The following SH2D4B variants were observed in gnomAD, a reference collection of about 807,000 sequenced individuals.
The protein encoded by SH2D4B is SH2 domain-containing protein 4B.
SH2D4B carries 45 observed loss-of-function variants against 61.5 expected under a neutral mutation model. The observed-to-expected ratio is 0.73, with a 90% CI of 0.58 to 0.94. SH2D4B has a LOEUF of 0.94. Among genes scored for constraint, SH2D4B ranks in the 40% least tolerant of loss-of-function variants. SH2D4B has a pLI of 0.00. For missense variants in SH2D4B, 572 were observed against 574.2 expected, an observed-to-expected ratio of 1.00 and a Z score of 0.04; for synonymous variants, 224 against 220.4, an observed-to-expected ratio of 1.02 and a Z score of -0.14.
At chr10:80,643,574 G>A (rs1420649840) in intron 7 of SH2D4B, among the ~76,000 whole-genome samples, 2 of 151,956 alleles carry the variant, frequency 1.3e-5, no homozygotes, top group Admixed American at 6.6e-5. Context: ...TCTTTTGGGC[G>A]TGGGACTGTC....
intron 6 of SH2D4B, among the ~76,000 whole-genome samples, chr10:80,632,739 C>T (rs1345745685): frequency 2.6e-5 from 4 of 152,074 alleles, no homozygotes; most frequent in Non-Finnish European, 5.9e-5. Context: ...CCTTCCGGTC[C>T]TCTTTTGTCT....
chr10:80,585,666 G>T (rs1035700603), intron 3 of SH2D4B, among the ~76,000 whole-genome samples: 2 of 152,180 alleles, frequency 1.3e-5, no homozygotes, highest in Non-Finnish European at 2.9e-5. Context: ...TTTACACTTT[G>T]TTCCACGTAT....
intron 4 of SH2D4B, among the ~76,000 whole-genome samples, chr10:80,601,842 G>A (rs775448088): frequency 2.0e-5 from 3 of 152,202 alleles, no homozygotes; most frequent in African/African-American, 7.2e-5. Context: ...GTCTTGAGTG[G>A]CACTGGAGTA....
In SH2D4B at chr10:80,631,426, T is replaced by C. The variant is rs542792020; in HGVS notation, c.989-2859T>C. Among the ~76,000 whole-genome samples the C allele has an allele frequency of 3.9e-4, 59 of 152,254 alleles. No individual in the cohort carries two copies. The South Asian group carries it at 0.012, about 31-fold the overall frequency. ...ACCATGCCCAACTAATTTTTTATGT[T>C]TTTGTAGATTCAGGGCCTTGCTATG... On this transcript the variant is annotated intron_variant, in intron 6 of 7. Transcript: ENST00000646907.
In SH2D4B at chr10:80,603,602, G is replaced by A. The variant is rs1842478669; in HGVS notation, c.667G>A (p.Glu223Lys). ...AGTGCGCCGGTCCAAGGCGGCTGAT[G>A]AGGAGAGGAGCCGCCGAGCCCAGCG... The part of the protein sequence containing the change: ...EQLRRSKAAD[E>K]ERSRRAQRAR... The change falls in exon 5 of 8, where the codon GAG (glutamate) becomes AAG (lysine). Residue 223 changes from glutamate to lysine, a missense_variant. Physicochemically the swap from Glu to Lys is moderately conservative, Grantham distance 56 (BLOSUM62 1). Coordinates refer to ENST00000646907, the MANE Select transcript of SH2D4B (RefSeq NM_001388272.1). The A allele has an allele frequency of 3.2e-6, 5 of 1,568,558 alleles. No individual in the cohort carries two copies. The highest frequency in any genetic ancestry group is 2.3e-5 in the East Asian group (1 of 42,690).
chr10:80,609,532 C>A lies in SH2D4B; in HGVS notation c.969C>A (p.Phe323Leu). Residue 323 changes from phenylalanine to leucine, a missense_variant, in exon 6 of 8, where the codon TTC (phenylalanine) becomes TTA (leucine). Coordinates refer to ENST00000646907, the MANE Select transcript of SH2D4B (RefSeq NM_001388272.1). ...RRAGFERNTK[F>L]IAPWFHGIIS... Reference sequence around the variant, plus strand: ...CTGGCTTCGAGAGGAACACCAAGTTCATCGCCCCCTGGTTCCATGGTAGCA... The same window carrying A: ...CTGGCTTCGAGAGGAACACCAAGTTAATCGCCCCCTGGTTCCATGGTAGCA... 1 of 1,614,256 alleles carries A rather than the reference C, an allele frequency of 6.2e-7. No homozygotes were observed. Among genetic ancestry groups the A allele is most frequent in the Non-Finnish European group, 8.5e-7 (1 of 1,180,048 alleles).
intron 6 of SH2D4B, among the ~76,000 whole-genome samples, chr10:80,624,599 A>G (rs1842751154): frequency 6.6e-6 from 1 of 152,258 alleles, no homozygotes; most frequent in African/African-American, 2.4e-5. Context: ...ACCTGGCTAC[A>G]TGTTAGAATC....
rs187573190 is a variant in SH2D4B, at chr10:80,570,156, G to C, written c.187G>C (p.Ala63Pro). The C allele has an allele frequency of 1.5e-5, 24 of 1,613,986 alleles. No individual in the cohort carries two copies. Among genetic ancestry groups the C allele is most frequent in the Non-Finnish European group, 2.0e-5 (24 of 1,179,996 alleles). ...TTCTTCCTTCTTCTATTGTGAAGCA[G>C]CGAGTGACAAGCACATCCAATGGCT... ...GLRPPKTKRAASDKHIQWLLG... is the reference protein window; with the variant it reads ...GLRPPKTKRAPSDKHIQWLLG... Residue 63 changes from alanine to proline, a missense_variant and splice_region_variant, in exon 2 of 8, where the codon GCG becomes CCG. Transcript: ENST00000646907.
intron 1 of SH2D4B, among the ~76,000 whole-genome samples, chr10:80,552,950 T>G (rs1841782296): frequency 6.6e-6 from 1 of 152,052 alleles, no homozygotes; most frequent in Non-Finnish European, 1.5e-5. Flanking sequence ...AGTTTTGCTC[T>G]TGCTGCCCAG....
rs772901995 is a variant in SH2D4B, at chr10:80,570,227, C to T, written c.258C>T (p.Gly86=). 25 of 1,614,126 alleles carry T rather than the reference C, an allele frequency of 1.5e-5. No individual in the cohort carries two copies. Among genetic ancestry groups the T allele is most frequent in the Non-Finnish European group, 1.9e-5 (22 of 1,180,010 alleles). ...TCTGGGTCTGGATCATGGGAGAAGG[C>T]CCTGGTGACAAGCCCTACGAAGAGA... ...GEVWVWIMGE[G]PGDKPYEEIS... is the part of the protein sequence containing the mutation. Residue 86 remains glycine (G), a synonymous_variant, in exon 2 of 8, where the codon GGC becomes GGT. Transcript: ENST00000646907.
chr10:80,565,490 G>A (rs1299627614), intron 1 of SH2D4B, among the ~76,000 whole-genome samples: 2 of 151,774 alleles, frequency 1.3e-5, no homozygotes, highest in Non-Finnish European at 1.5e-5. Context: ...CCAGCTCCTG[G>A]GCTCAAGGGA....
intron 6 of SH2D4B, among the ~76,000 whole-genome samples, chr10:80,625,078 C>T (rs972023061): frequency 6.6e-6 from 1 of 152,124 alleles, no homozygotes; most frequent in Non-Finnish European, 1.5e-5. Flanking sequence ...ATATATTAAT[C>T]TCCAAATGTT....
Position 80,588,713 on chromosome 10 carries a change from C to T in SH2D4B, c.579C>T (p.Thr193=), listed in dbSNP as rs779181625. 1 of 1,614,050 alleles carries T rather than the reference C, an allele frequency of 6.2e-7. No individual in the cohort carries two copies. The highest frequency in any genetic ancestry group is 1.7e-5 in the Admixed American group (1 of 60,024). ...AGAGGGCGAAGGAGCTCTACTGGAC[C>T]CTGAAGCAGGCTCAGCTGCATTGCC... ...EEQRAKELYW[T]LKQAQLHCQA... The change falls in exon 4 of 8, where the codon ACC becomes ACT. Residue 193 remains threonine (T), a synonymous_variant. Transcript: ENST00000646907.
In SH2D4B at chr10:80,587,154, T is replaced by TTTTTTTTTTTTTTTTG. The variant is rs1842267385; in HGVS notation, c.496-1462_496-1461insTGTTTTTTTTTTTTTT. ...CGTTTTTTTTTTTTTTTGTTTTGTTTTTTTTTTTTTTTTTGGAGACGCCCA... is the reference window on the plus strand; with the variant it reads ...CGTTTTTTTTTTTTTTTGTTTTGTTTTTTTTTTTTTTTTTTGTTTTTTTTTTTTTTGGAGACGCCCA... On this transcript the variant is annotated intron_variant, in intron 3 of 7. Coordinates refer to ENST00000646907, the MANE Select transcript of SH2D4B (RefSeq NM_001388272.1). Among the ~76,000 whole-genome samples, 10 of 99,458 alleles carry TTTTTTTTTTTTTTTTG rather than the reference T, an allele frequency of 1.0e-4. 1 individual carries two copies. The highest frequency in any genetic ancestry group is 1.5e-4 in the Non-Finnish European group (8 of 53,754). The allele number at this position is 99,458 out of a possible 152,430, so 65.2% of individuals were successfully genotyped here.
intron 6 of SH2D4B, 142 bp downstream of exon 6, chr10:80,609,693 G>A (rs1842572544): frequency 7.4e-7 from 1 of 1,352,976 alleles, no homozygotes; most frequent in African/African-American, 1.4e-5. Flanking sequence ...TCTCCCAGTG[G>A]GAGTCCAGGA....
At chr10:80,596,495 T>G (rs1176043134) in intron 4 of SH2D4B, among the ~76,000 whole-genome samples, 1 of 152,182 alleles carries the variant, frequency 6.6e-6, no homozygotes, top group Non-Finnish European at 1.5e-5. Flanking sequence ...AGGCTTTTCT[T>G]TTTCCTTACT....
chr10:80,552,320 T>A (rs1181811466), intron 1 of SH2D4B, among the ~76,000 whole-genome samples: 1 of 152,140 alleles, frequency 6.6e-6, no homozygotes, highest in African/African-American at 2.4e-5. Flanking sequence ...GCCCAGGGAC[T>A]GTTTGAACAG....
intron 2 of SH2D4B, among the ~76,000 whole-genome samples, 174 bp downstream of exon 2, chr10:80,570,490 G>A (rs1280341485): frequency 1.3e-5 from 2 of 152,216 alleles, no homozygotes; most frequent in Non-Finnish European, 2.9e-5. Context: ...AAAGTGTTGG[G>A]ATTATAGGCG....
intron 5 of SH2D4B, among the ~76,000 whole-genome samples, chr10:80,604,032 T>C (rs559016909): frequency 9.9e-5 from 15 of 152,226 alleles, no homozygotes; most frequent in Non-Finnish European, 1.9e-4. Flanking sequence ...CAAGGATTCC[T>C]TTGAGAATCT....
Sources: gnomAD v4.1 joint callset for allele counts (sites outside exome capture counted in the v4.1 genomes callset) on GRCh38, gnomAD v4.1.1 for gene constraint, MANE v1.5 for transcripts, NCBI Gene and HGNC (gene_info 2026-07-23, HGNC 2026-07-21) for gene names.